Variants in SPINK4 observed in about 807,000 individuals in gnomAD.
The protein encoded by SPINK4 is serine peptidase inhibitor Kazal type 4.
SPINK4 carries 10 observed loss-of-function variants against 12.3 expected under a neutral mutation model. The observed-to-expected ratio is 0.81, with a 90% CI of 0.50 to 1.37. The LOEUF (loss-of-function observed/expected upper bound fraction) is 1.37. Ranked by LOEUF, SPINK4 falls within the 40% of genes most tolerant of loss-of-function variation. The pLI, the probability that SPINK4 is intolerant of heterozygous loss-of-function variation, is 0.00. For synonymous variants in SPINK4, 37 were observed against 40.2 expected, an observed-to-expected ratio of 0.92 and a Z score of 0.30; for missense variants, 91 against 109.0, an observed-to-expected ratio of 0.84 and a Z score of 0.73.
chr9:33,240,629 A>ATGCTGGG (rs1820224563), intron 1 of SPINK4, among the ~76,000 whole-genome samples: 1 of 152,226 alleles, frequency 6.6e-6, no homozygotes, highest in Non-Finnish European at 1.5e-5. Flanking sequence ...ACTGACAAGT[A>ATGCTGGG]TGCTGGGTGC....
intron 2 of SPINK4, 27 bp downstream of exon 2, chr9:33,245,179 C>A: frequency 6.2e-7 from 1 of 1,610,570 alleles, no homozygotes; most frequent in Non-Finnish European, 8.5e-7. Context: ...TTGTTCTCAC[C>A]TTCTCTCTGC....
chr9:33,245,901 A>G (rs977453875), intron 2 of SPINK4, among the ~76,000 whole-genome samples: 2 of 152,238 alleles, frequency 1.3e-5, no homozygotes, highest in Non-Finnish European at 2.9e-5. Context: ...AAATACCTCA[A>G]TTAAGGTTAT....
At chr9:33,246,849 C>G in intron 3 of SPINK4, 121 bp downstream of exon 3, 1 of 754,542 alleles carries the variant, frequency 1.3e-6, no homozygotes, top group Non-Finnish European at 2.3e-6. Context: ...AAGAGTCCTC[C>G]AACATATGCC....
chr9:33,246,806 C>T (rs1223256313), intron 3 of SPINK4, 78 bp downstream of exon 3: 2 of 1,234,158 alleles, frequency 1.6e-6, no homozygotes, highest in Non-Finnish European at 2.4e-6. Flanking sequence ...CAAGACTTGA[C>T]CTGCTTCTTC....
Position 33,248,416 on chromosome 9 carries a change from T to C in SPINK4, c.216-10T>C, listed in dbSNP as rs1430563726. 9.9e-6 allele frequency: 16 copies of C among 1,613,860 alleles called. No individual in the cohort carries two copies. Among genetic ancestry groups the C allele is most frequent in the East Asian group, 4.5e-5 (2 of 44,894 alleles). ...GAAGGTAGCCTCATGCCTGTCTTCT[T>C]TGATCCTAGAAAAACCAAACAGGAC... On this transcript the variant is annotated splice_polypyrimidine_tract_variant and intron_variant, in intron 3 of 3. Coordinates refer to ENST00000379721, the MANE Select transcript of SPINK4 (RefSeq NM_014471.3).
At chr9:33,248,315 G>T (rs1177584241) in intron 3 of SPINK4, 111 bp from the exon 4 acceptor site, 3 of 1,075,060 alleles carry the variant, frequency 2.8e-6, no homozygotes, top group Non-Finnish European at 2.8e-6. Context: ...TCCATACACT[G>T]CATATGTGGG....
chr9:33,244,566 G>C (rs535024437), intron 1 of SPINK4, among the ~76,000 whole-genome samples: 33 of 152,286 alleles, frequency 2.2e-4, no homozygotes, highest in Non-Finnish European at 4.1e-4. Flanking sequence ...GCTGTTCCTG[G>C]GTAGTGGATG....
chr9:33,245,236 C>T (rs760872098), intron 2 of SPINK4, 84 bp downstream of exon 2: 11 of 1,441,404 alleles, frequency 7.6e-6, no homozygotes, highest in Non-Finnish European at 1.0e-5. Flanking sequence ...TATTCTTCTC[C>T]ACGATCCTGC....
chr9:33,246,975 G>A (rs1779796388), intron 3 of SPINK4, among the ~76,000 whole-genome samples: 1 of 152,052 alleles, frequency 6.6e-6, no homozygotes, highest in African/African-American at 2.4e-5. Flanking sequence ...GTTCTGCCTT[G>A]ATTGACTAGG....
At chr9:33,242,348 C>T (rs1252027972) in intron 1 of SPINK4, among the ~76,000 whole-genome samples, 2 of 151,986 alleles carry the variant, frequency 1.3e-5, no homozygotes, top group African/African-American at 2.4e-5. Context: ...CTGTTGGGGA[C>T]GTCAAGGACA....
intron 1 of SPINK4, among the ~76,000 whole-genome samples, chr9:33,244,153 C>A (rs1259497298): frequency 6.6e-6 from 1 of 152,222 alleles, no homozygotes; most frequent in Non-Finnish European, 1.5e-5. Context: ...GACATAGCTC[C>A]AGTTCCCTCA....
intron 1 of SPINK4, among the ~76,000 whole-genome samples, chr9:33,243,537 G>A (rs896306479): frequency 3.9e-5 from 6 of 152,178 alleles, no homozygotes; most frequent in African/African-American, 1.4e-4. Context: ...GAATCATAGG[G>A]TATATAATCT....
chr9:33,240,362 C>T (rs1377064229), intron 1 of SPINK4, 93 bp downstream of exon 1: 1 of 1,178,956 alleles, frequency 8.5e-7, no homozygotes, highest in Non-Finnish European at 1.2e-6. Context: ...CCCTGTGAGG[C>T]CTCAGCTTTT....
At chr9:33,246,800 A>T in intron 3 of SPINK4, 72 bp downstream of exon 3, 3 of 1,335,808 alleles carry the variant, frequency 2.2e-6, no homozygotes, top group Non-Finnish European at 3.2e-6. Context: ...AAGGAGCAAG[A>T]CTTGACCTGC....
Position 33,248,459 on chromosome 9 carries a change from T to C in SPINK4, c.249T>C (p.Asp83=), listed in dbSNP as rs1820307712. The change falls in exon 4 of 4, where the codon GAT becomes GAC. Residue 83 remains aspartate, a synonymous_variant. Transcript: ENST00000379721. ...AACAGGACATCCAGATCATGAAAGA[T>C]GGCAAATGCTGATCCCACAGGAGCA... ...KTKQDIQIMK[D]GKC The C allele has an allele frequency of 6.2e-7, 1 of 1,614,056 alleles. No individual in the cohort carries two copies. The highest frequency in any genetic ancestry group is 1.1e-5 in the South Asian group (1 of 91,072).
intron 2 of SPINK4, 58 bp from the exon 3 acceptor site, chr9:33,246,558 G>A (rs1262575774): frequency 1.3e-6 from 2 of 1,482,206 alleles, no homozygotes; most frequent in African/African-American, 1.4e-5. Flanking sequence ...CAGAACCCCT[G>A]TATCCCTCCC....
At position 33,245,309 on chromosome 9, in the gene SPINK4, T is replaced by C. The variant is rs1414580355; in HGVS notation, c.102+157T>C. 3.9e-5 allele frequency among the ~76,000 whole-genome samples: 6 copies of C among 152,148 alleles called. No homozygotes were observed. The East Asian group carries it at 1.2e-3, about 29-fold the overall frequency. The stretch of plus-strand genomic sequence containing the variant: ...CCTCCTGGCCTGCACATTCCCCACA[T>C]TAGCCCCCAAGGCTGAGTAGGCCCA... On this transcript the variant is annotated intron_variant, in intron 2 of 3. Transcript: ENST00000379721.
intron 1 of SPINK4, 94 bp from the exon 2 acceptor site, chr9:33,245,018 T>C (rs1400378286): frequency 7.7e-7 from 1 of 1,305,484 alleles, no homozygotes; most frequent in Non-Finnish European, 1.1e-6. Context: ...GGGTAGTTGC[T>C]GGACCAAGCT....
At position 33,246,661 on chromosome 9, in the gene SPINK4, T is replaced by C; in HGVS notation, c.148T>C (p.Ser50Pro). Residue 50 changes from serine to proline, a missense_variant, in exon 3 of 4, where the codon TCC becomes CCC. By Grantham distance (74) the Ser-to-Pro change is moderately conservative (BLOSUM62 -1). Transcript: ENST00000379721. ...AGAGTCTCCAACCTGTTCCCAGATG[T>C]CCAACCTGGTCTGCGGCACTGATGG... is the stretch of plus-strand genomic sequence containing the variant. ...MVESPTCSQM[S>P]NLVCGTDGLT... The C allele has an allele frequency of 6.2e-7, 1 of 1,614,038 alleles. No individual in the cohort carries two copies. Among genetic ancestry groups the C allele is most frequent in the Non-Finnish European group, 8.5e-7 (1 of 1,180,004 alleles).
Sources: allele counts gnomAD v4.1 joint callset (sites outside exome capture counted in the v4.1 genomes callset), GRCh38; gene constraint gnomAD v4.1.1; transcripts MANE v1.5; gene names NCBI Gene and HGNC (gene_info 2026-07-23, HGNC 2026-07-21).